The following FHDC1 variants were observed in gnomAD, a reference collection of about 807,000 sequenced individuals.
FHDC1 encodes FH2 domain-containing protein 1.
A neutral mutation model predicts 52.6 loss-of-function variants in FHDC1; 25 were observed. That is an observed-to-expected ratio of 0.48 (90% CI 0.35 to 0.66). The LOEUF (loss-of-function observed/expected upper bound fraction) is 0.66. Among genes scored for constraint, FHDC1 ranks in the 30% least tolerant of loss-of-function variants. FHDC1 has a pLI of 0.01. For missense variants in FHDC1, 1,459 were observed against 1,452.8 expected (o/e 1.00, Z -0.07); for synonymous variants, 616 against 581.5 (o/e 1.06, Z -0.85).
intron 2 of FHDC1, among the ~76,000 whole-genome samples, chr4:152,950,995 C>T: frequency 6.6e-6 from 1 of 152,188 alleles, no homozygotes; most frequent in Non-Finnish European, 1.5e-5. Context: ...ACTTTTCCTG[C>T]AGCAATGTCT....
At chr4:152,937,763 A>G (rs1739438296) in intron 1 of FHDC1, among the ~76,000 whole-genome samples, 1 of 151,864 alleles carries the variant, frequency 6.6e-6, no homozygotes, top group Non-Finnish European at 1.5e-5. Flanking sequence ...CGGCGCTGAT[A>G]AGGACGCAGC....
chr4:152,976,461 C>G lies in FHDC1; in HGVS notation c.3170C>G (p.Ala1057Gly), dbSNP rs1452528235. 1 of 1,613,506 alleles carries G rather than the reference C, an allele frequency of 6.2e-7. No homozygotes were observed. Among genetic ancestry groups the G allele is most frequent in the African/African-American group, 1.3e-5 (1 of 74,916 alleles). Residue 1057 changes from alanine to glycine, a missense_variant, in exon 12 of 12, where the codon GCC becomes GGC. Transcript: ENST00000511601. ...ACAGATCTTCCTCCCGTGGCCAAAG[C>G]CCCCGGCATCACTCGGACAGTGTCG... Reference protein sequence around the residue: ...MRTDLPPVAKAPGITRTVSQR... With the variant: ...MRTDLPPVAKGPGITRTVSQR...
At chr4:152,966,234 T>C (rs760530437) in intron 9 of FHDC1, among the ~76,000 whole-genome samples, 2 of 152,204 alleles carry the variant, frequency 1.3e-5, no homozygotes, top group Non-Finnish European at 2.9e-5. Context: ...AAAAATCCTA[T>C]TCAGCAAGCT....
At chr4:152,972,593 T>C (rs1179944985) in intron 11 of FHDC1, 52 bp downstream of exon 11, 2 of 1,552,234 alleles carry the variant, frequency 1.3e-6, no homozygotes, top group African/African-American at 1.4e-5. Context: ...TTATTTTCCT[T>C]CTTCTCGACC....
intron 4 of FHDC1, among the ~76,000 whole-genome samples, chr4:152,956,969 G>A (rs571188103): frequency 1.1e-4 from 16 of 152,252 alleles, no homozygotes; most frequent in African/African-American, 3.9e-4. Context: ...GGGGAAAGCC[G>A]AAGCCGCTCC....
intron 9 of FHDC1, 92 bp from the exon 10 acceptor site, chr4:152,967,888 C>G: frequency 1.1e-6 from 1 of 889,062 alleles, no homozygotes; most frequent in Non-Finnish European, 1.8e-6. Flanking sequence ...CTTCTGTTTC[C>G]AAGGTTGAAC....
At chr4:152,946,703 G>A (rs561896016) in intron 2 of FHDC1, among the ~76,000 whole-genome samples, 126 of 152,318 alleles carry the variant, frequency 8.3e-4, no homozygotes, top group African/African-American at 2.9e-3. Context: ...TACAACACAG[G>A]CTGCAGTTCT....
chr4:152,912,008 T>A, the FHDC1 span: 1 of 152,606 alleles, frequency 6.6e-6, no homozygotes, highest in African/African-American at 2.4e-5. Context: ...AAAAGGTACT[T>A]CTGTCACTTA....
chr4:152,971,473 G>C (rs1012513938), intron 10 of FHDC1, among the ~76,000 whole-genome samples: 3 of 152,208 alleles, frequency 2.0e-5, no homozygotes, highest in Non-Finnish European at 4.4e-5. Context: ...TGTTGTCACT[G>C]AACTGCCATC....
intron 9 of FHDC1, among the ~76,000 whole-genome samples, chr4:152,965,978 G>C (rs1166490436): frequency 6.6e-6 from 1 of 152,108 alleles, no homozygotes; most frequent in Non-Finnish European, 1.5e-5. Flanking sequence ...TCCCAAAGTG[G>C]GATTATCAGT....
the FHDC1 span, among the ~76,000 whole-genome samples, chr4:152,921,192 T>G: frequency 6.6e-6 from 1 of 152,020 alleles, no homozygotes; most frequent in Non-Finnish European, 1.5e-5. Context: ...AAATAACTTT[T>G]AAATAACTTT....
At chr4:152,929,647 C>T in the FHDC1 span, among the ~76,000 whole-genome samples, 15 of 152,134 alleles carry the variant, frequency 9.9e-5, no homozygotes, top group African/African-American at 3.4e-4. The surrounding 1 kb of genome is among the most constrained non-coding windows in gnomAD (Gnocchi z 4.1). Context: ...TATGAGTTCC[C>T]GTGCAGTGGA....
At chr4:152,911,583 TC>T in the FHDC1 span, 5 of 152,650 alleles carry the variant, frequency 3.3e-5, no homozygotes, top group East Asian at 9.6e-4. Context: ...TTGAGAGGCA[TC>T]CCTCACCTGT....
At chr4:152,916,825 A>C in the FHDC1 span, among the ~76,000 whole-genome samples, 1 of 152,252 alleles carries the variant, frequency 6.6e-6, no homozygotes, top group Non-Finnish European at 1.5e-5. Context: ...AAGAGGCAAA[A>C]ATAGTTTAGG....
At chr4:152,973,736 A>G (rs1740748478) in intron 11 of FHDC1, among the ~76,000 whole-genome samples, 1 of 152,248 alleles carries the variant, frequency 6.6e-6, no homozygotes, top group South Asian at 2.1e-4. Flanking sequence ...CATTGGAGGA[A>G]ATTGATTGTC....
At chr4:152,930,838 C>T in the FHDC1 span, among the ~76,000 whole-genome samples, 1 of 152,116 alleles carries the variant, frequency 6.6e-6, no homozygotes, top group South Asian at 2.1e-4. Flanking sequence ...TAAGCACACA[C>T]TCGATTTCCA....
the FHDC1 span, among the ~76,000 whole-genome samples, chr4:152,912,838 A>T: frequency 6.6e-6 from 1 of 152,192 alleles, no homozygotes; most frequent in African/African-American, 2.4e-5. Flanking sequence ...AAAGCTTCCA[A>T]ATCTTAGGGT....
intron 6 of FHDC1, 69 bp from the exon 7 acceptor site, chr4:152,962,744 TG>T: frequency 7.9e-7 from 1 of 1,270,942 alleles, no homozygotes; most frequent in Non-Finnish European, 1.1e-6. Flanking sequence ...AACTTGGATG[TG>T]GTAGCTGTCT....
intron 6 of FHDC1, among the ~76,000 whole-genome samples, chr4:152,961,264 G>T (rs1740272412): frequency 6.6e-6 from 1 of 152,056 alleles, no homozygotes; most frequent in African/African-American, 2.4e-5. Flanking sequence ...CTGGGACCCA[G>T]CCTTTCCAGA....
Sources: gnomAD v4.1 joint callset for allele counts (sites outside exome capture counted in the v4.1 genomes callset) on GRCh38, gnomAD v4.1.1 for gene constraint, Gnocchi (gnomAD v3.1) non-coding constraint, MANE v1.5 for transcripts, NCBI Gene and HGNC (gene_info 2026-07-23, HGNC 2026-07-21) for gene names.